The following FOXN3 variants were observed in gnomAD, a reference collection of about 807,000 sequenced individuals.
The protein encoded by FOXN3 is forkhead box protein N3.
A neutral mutation model predicts 38.4 loss-of-function variants in FOXN3; 7 were observed. The observed-to-expected ratio is 0.18, with a 90% CI of 0.10 to 0.34. The LOEUF (loss-of-function observed/expected upper bound fraction) is 0.34, where lower values mean the gene tolerates loss of function less well. Ranked by LOEUF, FOXN3 falls within the 10% of genes least tolerant of loss-of-function variation. The pLI, the probability that FOXN3 is intolerant of heterozygous loss-of-function variation, is 1.00. For missense variants in FOXN3, 456 were observed against 613.4 expected (o/e 0.74, Z 2.71); for synonymous variants, 230 against 242.2 (o/e 0.95, Z 0.47).
chr14:89,166,589 G>C (rs1887248747), intron 5 of FOXN3, among the ~76,000 whole-genome samples: 1 of 152,180 alleles, frequency 6.6e-6, no homozygotes, highest in South Asian at 2.1e-4. Context: ...CCTGAAGAAG[G>C]AAGTTTACTG....
chr14:89,472,758 T>A (rs7147812), intron 1 of FOXN3, among the ~76,000 whole-genome samples: 69,908 of 150,288 alleles, frequency 0.47, 17,275 homozygotes, highest in African/African-American at 0.64. Context: ...TTGTGCATCC[T>A]TAAAGTACAC....
chr14:89,315,745 A>G (rs754720277), intron 3 of FOXN3, among the ~76,000 whole-genome samples: 3 of 152,190 alleles, frequency 2.0e-5, no homozygotes, highest in Admixed American at 6.5e-5. Flanking sequence ...TCTAGCATTA[A>G]CATCAGATTT....
intron 1 of FOXN3, among the ~76,000 whole-genome samples, chr14:89,520,373 T>C (rs749982713): frequency 7.9e-5 from 12 of 152,158 alleles, no homozygotes; most frequent in Non-Finnish European, 1.3e-4. Flanking sequence ...CACTAGTCAA[T>C]GCAACATGGG....
chr14:89,226,883 G>C (rs999598855), intron 4 of FOXN3, among the ~76,000 whole-genome samples: 2 of 152,198 alleles, frequency 1.3e-5, no homozygotes, highest in Non-Finnish European at 2.9e-5. Context: ...ACCTCAGAGA[G>C]AGACCTGGAA....
At chr14:89,399,161 T>G (rs1009927324) in intron 2 of FOXN3, among the ~76,000 whole-genome samples, 1 of 152,194 alleles carries the variant, frequency 6.6e-6, no homozygotes, top group African/African-American at 2.4e-5. Context: ...GGCTGAACGC[T>G]TGGCCCAGGA....
At chr14:89,393,808 A>C (rs1891024798) in intron 2 of FOXN3, among the ~76,000 whole-genome samples, 1 of 152,208 alleles carries the variant, frequency 6.6e-6, no homozygotes. Flanking sequence ...AGAGGGGCAA[A>C]AGTAGAGGAG....
intron 1 of FOXN3, among the ~76,000 whole-genome samples, chr14:89,433,058 G>A (rs1046626820): frequency 2.0e-5 from 3 of 152,166 alleles, no homozygotes; most frequent in Non-Finnish European, 4.4e-5. Context: ...TGCTCACATA[G>A]AAACAGACAC....
rs527731955 is a variant in FOXN3, at chr14:89,162,997, C to T, written c.852-28G>A. Reference sequence around the variant, plus strand: ...GCAGAGCGAGGACAGTGGGGAGGGACGGGAGACAAAGAAGGGACACAGTTA... The same window carrying T: ...GCAGAGCGAGGACAGTGGGGAGGGATGGGAGACAAAGAAGGGACACAGTTA... On this transcript the variant is annotated intron_variant, in intron 5 of 5. Coordinates refer to ENST00000557258, the MANE Select transcript of FOXN3 (RefSeq NM_005197.4). This position sits in a 1 kb window ranked among gnomAD's most constrained non-coding sequence, Gnocchi z 7.2. 32 of 1,511,350 alleles carry T rather than the reference C, an allele frequency of 2.1e-5. No individual in the cohort carries two copies. The highest frequency in any genetic ancestry group is 1.2e-4 in the African/African-American group (9 of 72,252). 93.6% of individuals were successfully genotyped at this position (1,511,350 alleles called of 1,614,324 possible).
chr14:89,441,707 A>T (rs1316709296), intron 1 of FOXN3, among the ~76,000 whole-genome samples: 1 of 152,182 alleles, frequency 6.6e-6, no homozygotes, highest in Non-Finnish European at 1.5e-5. Context: ...GCCAAGTGGA[A>T]TGCATTAACA....
chr14:89,428,933 G>A (rs1375271295), intron 1 of FOXN3, among the ~76,000 whole-genome samples: 1 of 152,212 alleles, frequency 6.6e-6, no homozygotes, highest in African/African-American at 2.4e-5. Context: ...AGGTTCAATG[G>A]GAGGGATGAA....
At chr14:89,343,056 G>T (rs2139999634) in intron 3 of FOXN3, among the ~76,000 whole-genome samples, 1 of 152,248 alleles carries the variant, frequency 6.6e-6, no homozygotes, top group African/African-American at 2.4e-5. Flanking sequence ...AGTTAAAACT[G>T]ATTTCATTGT....
chr14:89,531,345 T>C (rs1267978072), intron 1 of FOXN3, among the ~76,000 whole-genome samples: 2 of 152,058 alleles, frequency 1.3e-5, no homozygotes, highest in African/African-American at 4.8e-5. Context: ...AGGAAAGTGG[T>C]TTATAATAAA....
At chr14:89,558,234 A>T (rs1895168829) in intron 1 of FOXN3, among the ~76,000 whole-genome samples, 1 of 152,210 alleles carries the variant, frequency 6.6e-6, no homozygotes, top group Admixed American at 6.5e-5. Flanking sequence ...TAGCTATTTT[A>T]GCCAGAAGCA....
chr14:89,311,352 A>T (rs1355219801), intron 3 of FOXN3, among the ~76,000 whole-genome samples: 1 of 149,706 alleles, frequency 6.7e-6, no homozygotes, highest in Non-Finnish European at 1.5e-5. Context: ...TGTGCATGTA[A>T]TCCCAGCTAC....
chr14:89,425,062 C>CTTTTTT (rs3994032), intron 1 of FOXN3, among the ~76,000 whole-genome samples: 2,265 of 103,882 alleles, frequency 0.022, 3 homozygotes, highest in Non-Finnish European at 0.027. Flanking sequence ...GTTTTCTTTT[C>CTTTTTT]TTTTTTTTTT....
intron 2 of FOXN3, among the ~76,000 whole-genome samples, chr14:89,351,677 G>A (rs551151183): frequency 4.6e-5 from 7 of 152,304 alleles, no homozygotes; most frequent in South Asian, 2.1e-4. Context: ...TCAAGTGACC[G>A]AATGTACCCA....
chr14:89,354,102 A>G (rs1034817850), intron 2 of FOXN3, among the ~76,000 whole-genome samples: 4 of 152,218 alleles, frequency 2.6e-5, no homozygotes, highest in Admixed American at 1.3e-4. Context: ...AATGTTTCTA[A>G]TAGGAGAGAG....
chr14:89,506,570 C>A (rs1256296328), intron 1 of FOXN3, among the ~76,000 whole-genome samples: 1 of 151,934 alleles, frequency 6.6e-6, no homozygotes, highest in East Asian at 1.9e-4. Context: ...GCCCGGCCGC[C>A]CCTACTGGGA....
At chr14:89,297,525 A>T (rs1362398175) in intron 3 of FOXN3, among the ~76,000 whole-genome samples, 1 of 149,752 alleles carries the variant, frequency 6.7e-6, no homozygotes, top group Non-Finnish European at 1.5e-5. Flanking sequence ...GCGCCACTGC[A>T]CTCCAGCCTG....
Sources: gnomAD v4.1 joint callset for allele counts (sites outside exome capture counted in the v4.1 genomes callset) on GRCh38, gnomAD v4.1.1 for gene constraint, Gnocchi (gnomAD v3.1) non-coding constraint, MANE v1.5 for transcripts, NCBI Gene and HGNC (gene_info 2026-07-23, HGNC 2026-07-21) for gene names.